Variants in NRXN3 observed in about 807,000 individuals in gnomAD.
The protein encoded by NRXN3 is neurexin III.
Under a neutral mutation model 137.6 loss-of-function variants are expected in NRXN3, and 32 were observed. The ratio of observed to expected loss-of-function variants is 0.23; its 90% CI spans 0.18 to 0.31. NRXN3 has a LOEUF of 0.31. Among genes scored for constraint, NRXN3 ranks in the 10% least tolerant of loss-of-function variants. The pLI is 1.00. For synonymous variants in NRXN3, 798 were observed against 784.5 expected, an observed-to-expected ratio of 1.02 and a Z score of -0.29; for missense variants, 1,574 against 2,062.5, an observed-to-expected ratio of 0.76 and a Z score of 4.59.
At chr14:79,506,362 A>G (rs775640116) in intron 16 of NRXN3, among the ~76,000 whole-genome samples, 7 of 152,198 alleles carry the variant, frequency 4.6e-5, no homozygotes, top group Non-Finnish European at 7.3e-5. Flanking sequence ...AAAGATCTCA[A>G]GAGAAAAGTG....
chr14:78,758,869 C>T (rs571337534), intron 8 of NRXN3, among the ~76,000 whole-genome samples: 4 of 152,246 alleles, frequency 2.6e-5, no homozygotes, highest in South Asian at 2.1e-4. Flanking sequence ...CAGTGTCCTT[C>T]GCAAAGAAGT....
At chr14:79,845,211 C>G (rs1011352868) in intron 20 of NRXN3, among the ~76,000 whole-genome samples, 2 of 152,182 alleles carry the variant, frequency 1.3e-5, no homozygotes, top group African/African-American at 4.8e-5. Flanking sequence ...TCTATCTAGA[C>G]CACTAAAATA....
chr14:79,174,501 T>A (rs903296011), intron 15 of NRXN3, among the ~76,000 whole-genome samples: 10 of 143,552 alleles, frequency 7.0e-5, no homozygotes, highest in African/African-American at 1.5e-4. Flanking sequence ...ATTGAAAGTT[T>A]TATATATATA....
intron 4 of NRXN3, among the ~76,000 whole-genome samples, chr14:78,621,103 C>T (rs184931191): frequency 3.3e-5 from 5 of 152,298 alleles, no homozygotes; most frequent in African/African-American, 1.2e-4. Flanking sequence ...CAAGTTCAGT[C>T]TCATTACAGG....
intron 6 of NRXN3, among the ~76,000 whole-genome samples, chr14:78,699,965 C>T (rs982794480): frequency 2.0e-5 from 3 of 152,136 alleles, no homozygotes; most frequent in South Asian, 2.1e-4. Context: ...TTTAGAGGAT[C>T]GAAACAGTGC....
At chr14:78,208,792 A>G (rs10138115) in intron 1 of NRXN3, among the ~76,000 whole-genome samples, 65,713 of 152,048 alleles carry the variant, frequency 0.43, 14,740 homozygotes, top group African/African-American at 0.55. Flanking sequence ...TGCCGGGTCC[A>G]ACTCTCAGCA....
At chr14:78,592,340 G>A (rs2097124756) in intron 4 of NRXN3, among the ~76,000 whole-genome samples, 1 of 152,112 alleles carries the variant, frequency 6.6e-6, no homozygotes, top group Non-Finnish European at 1.5e-5. Context: ...GAGGCCCTTA[G>A]AGAATAATGC....
chr14:79,219,914 A>G (rs764308923), intron 15 of NRXN3, among the ~76,000 whole-genome samples: 18 of 152,208 alleles, frequency 1.2e-4, no homozygotes, highest in Non-Finnish European at 2.2e-4. Context: ...TTTCAGAGTG[A>G]TACATTCAAG....
rs140064754 is a variant in NRXN3, at chr14:78,727,736, C to CAA, written c.2044+12605_2044+12606dup. ...GGCAACAAGAGCGAAAACTCCGTCT[C>CAA]AAAAAAAAATGCTGTGGGCCCACTT... On this transcript the variant is annotated intron_variant, in intron 8 of 20. Coordinates refer to ENST00000335750, the MANE Select transcript of NRXN3 (RefSeq NM_001330195.2). 3.3e-5 allele frequency among the ~76,000 whole-genome samples: 5 copies of CAA among 150,680 alleles called. No individual in the cohort carries two copies. In the East Asian group the frequency reaches 9.7e-4, roughly 29 times the overall value.
chr14:79,838,774 G>A lies in NRXN3; in HGVS notation c.4094-22568G>A, dbSNP rs74064333. 5.2e-3 allele frequency among the ~76,000 whole-genome samples: 793 copies of A among 152,260 alleles called. 4 individuals are homozygous for A. The highest frequency in any genetic ancestry group is 0.018 in the African/African-American group (739 of 41,568). On this transcript the variant is annotated intron_variant, in intron 20 of 20. Coordinates refer to ENST00000335750, the MANE Select transcript of NRXN3 (RefSeq NM_001330195.2). ...ACATGGTGGGATTCGTGTTTCTGAAGGGGCACAGTAGGAAGCTCATTCTTG... is the reference window on the plus strand; with the variant it reads ...ACATGGTGGGATTCGTGTTTCTGAAAGGGCACAGTAGGAAGCTCATTCTTG...
chr14:78,339,143 C>T (rs567094795), intron 4 of NRXN3, among the ~76,000 whole-genome samples: 97 of 152,268 alleles, frequency 6.4e-4, no homozygotes, highest in African/African-American at 2.2e-3. Context: ...AACCTTGTGA[C>T]ACCTTAGTTG....
intron 19 of NRXN3, among the ~76,000 whole-genome samples, chr14:79,704,769 G>T (rs527350836): frequency 8.5e-5 from 13 of 152,056 alleles, no homozygotes; most frequent in South Asian, 4.1e-4. Flanking sequence ...AGAATAATTT[G>T]GGGGGAGAGA....
At chr14:78,317,812 C>T (rs2078887814) in intron 4 of NRXN3, among the ~76,000 whole-genome samples, 1 of 152,176 alleles carries the variant, frequency 6.6e-6, no homozygotes, top group South Asian at 2.1e-4. Context: ...TCTATATCTC[C>T]TTAAATGATA....
intron 3 of NRXN3, among the ~76,000 whole-genome samples, chr14:78,280,585 C>T (rs559984683): frequency 4.3e-4 from 66 of 152,260 alleles, no homozygotes; most frequent in African/African-American, 1.4e-3. Flanking sequence ...AGAGCTGGGC[C>T]CTGCATAGGG....
At chr14:79,459,069 C>A (rs2096292695) in intron 15 of NRXN3, among the ~76,000 whole-genome samples, 1 of 151,044 alleles carries the variant, frequency 6.6e-6, no homozygotes. Flanking sequence ...ATTAGAGATA[C>A]AGTTTGACAT....
chr14:79,475,669 A>G (rs535684381), intron 16 of NRXN3, among the ~76,000 whole-genome samples: 4 of 152,104 alleles, frequency 2.6e-5, no homozygotes, highest in Non-Finnish European at 4.4e-5. Context: ...GCTTTCAATC[A>G]TGGATAGATT....
chr14:79,549,830 C>T (rs967784933), intron 16 of NRXN3, among the ~76,000 whole-genome samples: 4 of 152,190 alleles, frequency 2.6e-5, no homozygotes, highest in South Asian at 2.1e-4. Flanking sequence ...ATCTGTCTAC[C>T]GAGGGGCTCT....
intron 4 of NRXN3, among the ~76,000 whole-genome samples, chr14:78,542,551 A>T (rs777880433): frequency 2.6e-5 from 4 of 152,202 alleles, no homozygotes; most frequent in Non-Finnish European, 5.9e-5. Flanking sequence ...GGAAAAGTGC[A>T]GTATTTGGGC....
intron 1 of NRXN3, among the ~76,000 whole-genome samples, chr14:78,200,520 G>A (rs1289143333): frequency 6.6e-6 from 1 of 152,168 alleles, no homozygotes; most frequent in Non-Finnish European, 1.5e-5. Flanking sequence ...GTGGGACCCA[G>A]CAAGTTGTGT....
Sources: allele counts gnomAD v4.1 joint callset (sites outside exome capture counted in the v4.1 genomes callset), GRCh38; gene constraint gnomAD v4.1.1; transcripts MANE v1.5; gene names NCBI Gene and HGNC (gene_info 2026-07-23, HGNC 2026-07-21).